Variants in MED27 observed in about 807,000 individuals in gnomAD.
MED27 encodes mediator of RNA polymerase II transcription subunit 27.
A neutral mutation model predicts 38.2 loss-of-function variants in MED27; 30 were observed. The observed-to-expected ratio is 0.79, with a 90% CI of 0.59 to 1.07. The LOEUF (loss-of-function observed/expected upper bound fraction) is 1.07, where lower values mean the gene tolerates loss of function less well. Among genes scored for constraint, MED27 ranks in the 50% least tolerant of loss-of-function variants. The pLI, the probability that MED27 is intolerant of heterozygous loss-of-function variation, is 0.00. For missense variants in MED27, 289 were observed against 397.5 expected (o/e 0.73, Z 2.32); for synonymous variants, 122 against 153.5 (o/e 0.79, Z 1.52).
chr9:131,966,751 G>A (rs1831359232), intron 3 of MED27, among the ~76,000 whole-genome samples: 1 of 152,134 alleles, frequency 6.6e-6, no homozygotes, highest in Admixed American at 6.5e-5. Flanking sequence ...CAGGACCTGA[G>A]CTAGCTATGT....
At chr9:131,933,009 C>T (rs1029430455) in intron 4 of MED27, among the ~76,000 whole-genome samples, 5 of 151,954 alleles carry the variant, frequency 3.3e-5, no homozygotes, top group African/African-American at 7.2e-5. Context: ...GAATGAAGGA[C>T]AAAAACCATG....
chr9:132,039,772 T>A (rs1833167508), intron 2 of MED27, among the ~76,000 whole-genome samples: 2 of 152,132 alleles, frequency 1.3e-5, no homozygotes, highest in African/African-American at 4.8e-5. Flanking sequence ...TGTGCTCCGT[T>A]CAGTGCTGGC....
Position 131,870,772 on chromosome 9 carries a change from C to T in MED27, c.724-7632G>A, listed in dbSNP as rs140498327. Reference sequence around the variant, plus strand: ...GATAACAAGTCTCCTCACTTACACCCCAGTTCCTGTCACTTATACAATGTT... The same window carrying T: ...GATAACAAGTCTCCTCACTTACACCTCAGTTCCTGTCACTTATACAATGTT... On this transcript the variant is annotated intron_variant, in intron 6 of 7. Coordinates refer to ENST00000292035, the MANE Select transcript of MED27 (RefSeq NM_004269.4). 5.3e-3 allele frequency among the ~76,000 whole-genome samples: 805 copies of T among 152,280 alleles called. 7 individuals carry two copies. Among genetic ancestry groups the T allele is most frequent in the Non-Finnish European group, 9.7e-3 (659 of 68,020 alleles).
intron 3 of MED27, among the ~76,000 whole-genome samples, chr9:132,002,636 G>A (rs1430338019): frequency 6.6e-6 from 1 of 152,198 alleles, no homozygotes; most frequent in East Asian, 1.9e-4. Flanking sequence ...AATTGGCTGG[G>A]CACAGTGGCT....
At position 132,003,822 on chromosome 9, in the gene MED27, A is replaced by T. The variant is rs912385020; in HGVS notation, c.479+10515T>A. ...CATCAAATCATTTCACCCAAGGTTT[A>T]AGGGTACCTCAAACTTGACATGCTT... On this transcript the variant is annotated intron_variant, in intron 3 of 7. Coordinates refer to ENST00000292035, the MANE Select transcript of MED27 (RefSeq NM_004269.4). The surrounding 1 kb of genome is among the most constrained non-coding windows in gnomAD (Gnocchi z 4.2). 1.3e-5 allele frequency among the ~76,000 whole-genome samples: 2 copies of T among 152,218 alleles called. No individual in the cohort carries two copies. The highest frequency in any genetic ancestry group is 2.1e-4 in the South Asian group (1 of 4,826).
chr9:132,005,833 C>T (rs372344672), intron 3 of MED27, among the ~76,000 whole-genome samples: 38 of 152,288 alleles, frequency 2.5e-4, no homozygotes, highest in African/African-American at 8.9e-4. Flanking sequence ...ACAGCTTAAA[C>T]ATGACTGATA....
chr9:132,064,308 C>T (rs758721829), intron 2 of MED27, among the ~76,000 whole-genome samples: 2 of 152,098 alleles, frequency 1.3e-5, no homozygotes, highest in African/African-American at 2.4e-5. Context: ...GTCTCATGCA[C>T]GGGCAAAATC....
intron 4 of MED27, among the ~76,000 whole-genome samples, chr9:131,904,093 G>A (rs896025641): frequency 6.6e-6 from 1 of 152,200 alleles, no homozygotes; most frequent in Non-Finnish European, 1.5e-5. Context: ...AGAGACGGGG[G>A]TTTCACCATG....
At chr9:131,973,686 G>A (rs1424075008) in intron 3 of MED27, among the ~76,000 whole-genome samples, 2 of 151,698 alleles carry the variant, frequency 1.3e-5, no homozygotes, top group Non-Finnish European at 1.5e-5. Flanking sequence ...TGACATCCTT[G>A]AGCTACTGAA....
At chr9:131,949,774 C>T (rs1202888024) in intron 3 of MED27, among the ~76,000 whole-genome samples, 1 of 152,148 alleles carries the variant, frequency 6.6e-6, no homozygotes, top group Non-Finnish European at 1.5e-5. Flanking sequence ...TCTCTGCCTT[C>T]ATGGGGTTTC....
intron 2 of MED27, among the ~76,000 whole-genome samples, chr9:132,063,806 T>A (rs1833748740): frequency 6.6e-6 from 1 of 152,094 alleles, no homozygotes; most frequent in African/African-American, 2.4e-5. Context: ...GCAAAAAACT[T>A]AGACCTACTG....
chr9:131,881,817 T>TTTTTTTTG, intron 6 of MED27, among the ~76,000 whole-genome samples: 1 of 140,252 alleles, frequency 7.1e-6, no homozygotes, highest in Non-Finnish European at 1.6e-5. Context: ...TTTTTTTTTT[T>TTTTTTTTG]TTTTTTTGAT....
At chr9:131,945,942 T>C (rs934059140) in intron 3 of MED27, among the ~76,000 whole-genome samples, 2 of 147,474 alleles carry the variant, frequency 1.4e-5, no homozygotes, top group Non-Finnish European at 3.0e-5. Flanking sequence ...CATTCCAACC[T>C]GGGTGACAAA....
At chr9:131,902,332 G>T (rs941575425) in intron 4 of MED27, among the ~76,000 whole-genome samples, 40 of 152,110 alleles carry the variant, frequency 2.6e-4, no homozygotes, top group African/African-American at 9.2e-4. Flanking sequence ...GCGGCAGCAA[G>T]GGGGATGAGG....
At chr9:132,019,004 G>T (rs565579511) in intron 2 of MED27, among the ~76,000 whole-genome samples, 3 of 152,226 alleles carry the variant, frequency 2.0e-5, no homozygotes, top group Admixed American at 6.5e-5. Flanking sequence ...GCTTAGACCA[G>T]AGGACCCACA....
chr9:132,075,415 C>T (rs935864799), intron 2 of MED27, among the ~76,000 whole-genome samples: 3 of 152,218 alleles, frequency 2.0e-5, no homozygotes, highest in African/African-American at 7.2e-5. Context: ...ACAACCTCGA[C>T]ACCTCCTCAC....
At chr9:132,037,974 T>C (rs972767005) in intron 2 of MED27, among the ~76,000 whole-genome samples, 1 of 152,092 alleles carries the variant, frequency 6.6e-6, no homozygotes, top group Non-Finnish European at 1.5e-5. Context: ...GAGGGTGGAT[T>C]TGTGATGCAT....
At chr9:131,947,602 A>G (rs1196479512) in intron 3 of MED27, among the ~76,000 whole-genome samples, 1 of 152,164 alleles carries the variant, frequency 6.6e-6, no homozygotes, top group Non-Finnish European at 1.5e-5. Context: ...TACATTGCAA[A>G]CTATTTGTTA....
At chr9:132,057,571 T>C (rs1833608690) in intron 2 of MED27, among the ~76,000 whole-genome samples, 2 of 152,228 alleles carry the variant, frequency 1.3e-5, no homozygotes, top group Admixed American at 6.5e-5. Flanking sequence ...TAATCAGGAA[T>C]AACTTAGTGG....
Sources: gnomAD v4.1 joint callset for allele counts (sites outside exome capture counted in the v4.1 genomes callset) on GRCh38, gnomAD v4.1.1 for gene constraint, Gnocchi (gnomAD v3.1) non-coding constraint, MANE v1.5 for transcripts, NCBI Gene and HGNC (gene_info 2026-07-23, HGNC 2026-07-21) for gene names.